Variants in WDR70 observed in about 807,000 individuals in gnomAD.
WDR70 encodes WD repeat-containing protein 70.
WDR70 carries 53 observed loss-of-function variants against 88.6 expected under a neutral mutation model. That is an observed-to-expected ratio of 0.60 (90% CI 0.48 to 0.75). The LOEUF (loss-of-function observed/expected upper bound fraction) is 0.75. Among genes scored for constraint, WDR70 ranks in the 30% least tolerant of loss-of-function variants. WDR70 has a pLI of 0.00. For missense variants in WDR70, 610 were observed against 823.2 expected (o/e 0.74, Z 3.17); for synonymous variants, 280 against 270.0 (o/e 1.04, Z -0.36).
chr5:37,408,366 C>T (rs944464854), intron 5 of WDR70, among the ~76,000 whole-genome samples: 2 of 152,014 alleles, frequency 1.3e-5, no homozygotes, highest in African/African-American at 2.4e-5. Flanking sequence ...CCCAGCTACT[C>T]AGGAGACTGA....
chr5:37,438,892 T>C (rs929129151), intron 6 of WDR70, among the ~76,000 whole-genome samples: 12 of 145,784 alleles, frequency 8.2e-5, no homozygotes, highest in Middle Eastern at 3.7e-3. Flanking sequence ...ACAAAACCTC[T>C]TTGGAGTCCT....
intron 8 of WDR70, among the ~76,000 whole-genome samples, chr5:37,489,644 T>C (rs1740001381): frequency 1.3e-5 from 2 of 152,234 alleles, no homozygotes; most frequent in African/African-American, 4.8e-5. Context: ...TTATGCCATC[T>C]GGTAGTACAC....
chr5:37,447,832 G>A (rs1245372523), intron 7 of WDR70, among the ~76,000 whole-genome samples: 2 of 152,130 alleles, frequency 1.3e-5, no homozygotes, highest in Non-Finnish European at 2.9e-5. Context: ...GATATACCTA[G>A]TGTAAATGAC....
chr5:37,631,552 G>A (rs72740970), intron 10 of WDR70, among the ~76,000 whole-genome samples: 7,044 of 152,202 alleles, frequency 0.046, 192 homozygotes, highest in Middle Eastern at 0.14. Flanking sequence ...AGTTATATGA[G>A]GTTAGTGTTT....
intron 10 of WDR70, among the ~76,000 whole-genome samples, chr5:37,611,886 G>A (rs746126223): frequency 1.3e-5 from 2 of 150,592 alleles, no homozygotes; most frequent in Non-Finnish European, 3.0e-5. Flanking sequence ...TAGTCGATAA[G>A]TATCCTTTAT....
chr5:37,666,742 C>G (rs963204717), intron 10 of WDR70, among the ~76,000 whole-genome samples: 3 of 152,128 alleles, frequency 2.0e-5, no homozygotes, highest in Non-Finnish European at 4.4e-5. Flanking sequence ...ACCATGAGTA[C>G]TATGTACCAT....
intron 9 of WDR70, among the ~76,000 whole-genome samples, chr5:37,539,240 T>C (rs1300468308): frequency 6.6e-6 from 1 of 152,220 alleles, no homozygotes; most frequent in Non-Finnish European, 1.5e-5. Flanking sequence ...TGTTATACAC[T>C]GTGATTTTTA....
Position 37,468,813 on chromosome 5 carries a change from C to T in WDR70, c.687-11021C>T, listed in dbSNP as rs145437988. On this transcript the variant is annotated intron_variant, in intron 7 of 17. Coordinates refer to ENST00000265107, the MANE Select transcript of WDR70 (RefSeq NM_018034.4). Reference sequence around the variant, plus strand: ...TCCTTATTCCTTACACAATATAGTACAATAACTATCTGCATGACATTTACA... The same window carrying T: ...TCCTTATTCCTTACACAATATAGTATAATAACTATCTGCATGACATTTACA... Among the ~76,000 whole-genome samples the T allele has an allele frequency of 8.2e-4, 125 of 152,266 alleles. No individual in the cohort carries two copies. In the East Asian group the frequency reaches 0.024, roughly 29 times the overall value.
intron 4 of WDR70, among the ~76,000 whole-genome samples, chr5:37,394,425 A>G (rs1450165188): frequency 1.3e-5 from 2 of 152,182 alleles, no homozygotes; most frequent in African/African-American, 2.4e-5. Context: ...CTGAGCATCT[A>G]CTGTGGATTA....
chr5:37,704,882 CTT>C (rs34278678), intron 13 of WDR70, among the ~76,000 whole-genome samples: 61,472 of 144,580 alleles, frequency 0.43, 14,582 homozygotes, highest in Non-Finnish European at 0.55. Context: ...TATCTTGTGT[CTT>C]TTTTTTTTTT....
chr5:37,480,403 G>A (rs922318851), intron 8 of WDR70, among the ~76,000 whole-genome samples: 2 of 152,096 alleles, frequency 1.3e-5, no homozygotes, highest in African/African-American at 4.8e-5. Flanking sequence ...TGACCTATTT[G>A]AGACTGGATA....
At chr5:37,730,584 T>G (rs1326762231) in intron 17 of WDR70, among the ~76,000 whole-genome samples, 1 of 152,162 alleles carries the variant, frequency 6.6e-6, no homozygotes, top group Non-Finnish European at 1.5e-5. Flanking sequence ...CATAGTTAAT[T>G]CAACCATTCT....
At chr5:37,412,434 C>T (rs1459826680) in intron 5 of WDR70, among the ~76,000 whole-genome samples, 1 of 151,912 alleles carries the variant, frequency 6.6e-6, no homozygotes, top group Non-Finnish European at 1.5e-5. Context: ...ATTTCTATTA[C>T]TTGTTCATGA....
intron 9 of WDR70, among the ~76,000 whole-genome samples, chr5:37,580,166 ACTGTT>A (rs1044949211): frequency 6.6e-6 from 1 of 152,226 alleles, no homozygotes; most frequent in East Asian, 1.9e-4. Flanking sequence ...ATTTTTATTC[ACTGTT>A]CTGTTTTTAA....
In WDR70 at chr5:37,449,592, AAAAAAAAAAAAT is replaced by A. The variant is rs796766290; in HGVS notation, c.686+6227_686+6238del. 1.1e-3 allele frequency among the ~76,000 whole-genome samples: 15 copies of A among 13,054 alleles called. No homozygotes were observed. In the South Asian group the frequency reaches 0.068, roughly 59 times the overall value. 8.6% of individuals were successfully genotyped at this position (13,054 alleles called of 152,430 possible). A position where few individuals can be genotyped will look rare whatever the true frequency, so the allele number is the denominator to read the frequency against. On this transcript the variant is annotated intron_variant, in intron 7 of 17. Coordinates refer to ENST00000265107, the MANE Select transcript of WDR70 (RefSeq NM_018034.4). ...GGGCAACGAGTGAAATTTTGTCTCA[AAAAAAAAAAAAT>A]AAAAAATAAAAAATAAATAAATAAA...
chr5:37,394,662 T>C (rs751946341), intron 4 of WDR70, among the ~76,000 whole-genome samples: 8 of 152,158 alleles, frequency 5.3e-5, no homozygotes, highest in Non-Finnish European at 1.2e-4. Context: ...CTTAGACTTC[T>C]TTGAGGAGGA....
At chr5:37,522,968 A>G (rs924728596) in intron 9 of WDR70, among the ~76,000 whole-genome samples, 14 of 152,214 alleles carry the variant, frequency 9.2e-5, no homozygotes, top group African/African-American at 3.4e-4. Context: ...TGAGTAGGTA[A>G]ACAAAGCAGC....
intron 5 of WDR70, among the ~76,000 whole-genome samples, chr5:37,437,394 A>T (rs954835909): frequency 2.6e-5 from 4 of 152,124 alleles, no homozygotes; most frequent in African/African-American, 9.6e-5. Context: ...AACTTAAAAA[A>T]TTTTTGATGT....
At chr5:37,465,819 A>G (rs1280334598) in intron 7 of WDR70, among the ~76,000 whole-genome samples, 2 of 151,086 alleles carry the variant, frequency 1.3e-5, no homozygotes, top group Non-Finnish European at 3.0e-5. Flanking sequence ...TTTTTGCAAG[A>G]AACTGTATGT....
Sources: gnomAD v4.1 joint callset for allele counts (sites outside exome capture counted in the v4.1 genomes callset) on GRCh38, gnomAD v4.1.1 for gene constraint, MANE v1.5 for transcripts, NCBI Gene and HGNC (gene_info 2026-07-23, HGNC 2026-07-21) for gene names.